The following USP43 variants were observed in gnomAD, a reference collection of about 807,000 sequenced individuals.
USP43 encodes the protein ubiquitin carboxyl-terminal hydrolase 43.
A neutral mutation model predicts 90.7 loss-of-function variants in USP43; 33 were observed. The observed-to-expected ratio is 0.36, with a 90% CI of 0.28 to 0.49. The LOEUF is 0.49. USP43 is among the 20% of genes least tolerant of loss of function. The pLI is 0.98. For synonymous variants in USP43, 598 were observed against 615.8 expected (o/e 0.97, Z 0.43); for missense variants, 1,274 against 1,476.4 (o/e 0.86, Z 2.25).
intron 14 of USP43, among the ~76,000 whole-genome samples, chr17:9,714,181 C>A (rs1210928145): frequency 1.3e-5 from 2 of 152,198 alleles, no homozygotes. Context: ...TGAAGCTTCG[C>A]TCATTTGCTC....
In USP43 at chr17:9,729,043, A is replaced by T; in HGVS notation, c.*53A>T. On this transcript the variant is annotated 3_prime_UTR_variant, in exon 15 of 15. Transcript: ENST00000285199. ...GGCATTCTTGGGACTTTGCCAAGCAACTGTAGGCAGCTCATGTTGAGAATG... is the reference window on the plus strand; with the variant it reads ...GGCATTCTTGGGACTTTGCCAAGCATCTGTAGGCAGCTCATGTTGAGAATG... 6.9e-7 allele frequency: 1 copy of T among 1,455,150 alleles called. No individual in the cohort carries two copies. The highest frequency in any genetic ancestry group is 1.5e-5 in the South Asian group (1 of 64,814). 90.1% of individuals were successfully genotyped at this position (1,455,150 alleles called of 1,614,324 possible). A position where few individuals can be genotyped will look rare whatever the true frequency, so the allele number is the denominator to read the frequency against.
chr17:9,664,751 C>G (rs1180690587), intron 2 of USP43, among the ~76,000 whole-genome samples: 1 of 151,746 alleles, frequency 6.6e-6, no homozygotes, highest in African/African-American at 2.4e-5. Flanking sequence ...CATTCTCCTG[C>G]CTCAGCCTCC....
intron 1 of USP43, among the ~76,000 whole-genome samples, chr17:9,652,150 C>G (rs1368143082): frequency 1.4e-5 from 2 of 145,690 alleles, no homozygotes; most frequent in Non-Finnish European, 3.0e-5. Flanking sequence ...TTTGAGAGGC[C>G]GAGATGGGAG....
At chr17:9,656,324 T>C in intron 1 of USP43, 79 bp from the exon 2 acceptor site, 1 of 1,528,970 alleles carries the variant, frequency 6.5e-7, no homozygotes. Flanking sequence ...GACCACTTGG[T>C]AGACCTGGTG....
chr17:9,689,749 T>C (rs1208232292), intron 8 of USP43, among the ~76,000 whole-genome samples: 1 of 151,580 alleles, frequency 6.6e-6, no homozygotes, highest in Non-Finnish European at 1.5e-5. Flanking sequence ...TAAACGGGGG[T>C]GTGTGAGGCC....
intron 2 of USP43, among the ~76,000 whole-genome samples, chr17:9,663,274 A>G (rs1912770986): frequency 6.6e-6 from 1 of 151,384 alleles, no homozygotes; most frequent in African/African-American, 2.4e-5. Flanking sequence ...CTTGTAGTCA[A>G]GTACCGGTGT....
At chr17:9,700,932 A>G (rs1474022232) in intron 10 of USP43, among the ~76,000 whole-genome samples, 187 bp from the exon 11 acceptor site, 1 of 152,096 alleles carries the variant, frequency 6.6e-6, no homozygotes, top group East Asian at 1.9e-4. Flanking sequence ...GGTGGGGGAG[A>G]GAGAATTCCA....
At chr17:9,661,383 G>A (rs1034558085) in intron 2 of USP43, among the ~76,000 whole-genome samples, 41 of 151,986 alleles carry the variant, frequency 2.7e-4, no homozygotes, top group South Asian at 1.9e-3. Context: ...TTGAGACAGG[G>A]CCTCACTCTG....
At chr17:9,654,614 A>G (rs1421438407) in intron 1 of USP43, among the ~76,000 whole-genome samples, 1 of 149,788 alleles carries the variant, frequency 6.7e-6, no homozygotes, top group Non-Finnish European at 1.5e-5. Context: ...ATGCCATTGC[A>G]CTCTAGCCTG....
intron 5 of USP43, among the ~76,000 whole-genome samples, chr17:9,678,543 T>G (rs1008844854): frequency 6.6e-6 from 1 of 152,084 alleles, no homozygotes; most frequent in Non-Finnish European, 1.5e-5. Context: ...GGTTTCACCA[T>G]GTTGGCCAGG....
chr17:9,649,370 T>C (rs1310183627), intron 1 of USP43, among the ~76,000 whole-genome samples: 1 of 152,152 alleles, frequency 6.6e-6, no homozygotes, highest in African/African-American at 2.4e-5. Context: ...CTTTCTTTTT[T>C]TTAAATTTTA....
At chr17:9,652,396 C>G (rs1447494599) in intron 1 of USP43, among the ~76,000 whole-genome samples, 1 of 149,852 alleles carries the variant, frequency 6.7e-6, no homozygotes, top group Admixed American at 6.7e-5. Context: ...GAGTCTCGCT[C>G]TGTTGCCCAG....
chr17:9,679,272 G>T (rs1004445785), intron 5 of USP43, among the ~76,000 whole-genome samples: 1 of 152,048 alleles, frequency 6.6e-6, no homozygotes, highest in Non-Finnish European at 1.5e-5. Flanking sequence ...TGTGATCATA[G>T]CTTGCTGCAG....
chr17:9,707,339 A>G (rs1252869193), intron 12 of USP43, among the ~76,000 whole-genome samples: 1 of 152,160 alleles, frequency 6.6e-6, no homozygotes, highest in East Asian at 1.9e-4. Flanking sequence ...CCAGAATAAC[A>G]TATTACTTAA....
intron 3 of USP43, among the ~76,000 whole-genome samples, chr17:9,667,320 G>A (rs1264401074): frequency 2.6e-5 from 4 of 151,998 alleles, no homozygotes; most frequent in African/African-American, 9.7e-5. Context: ...GGCTGTGATC[G>A]AGGCTGGCGT....
chr17:9,723,174 G>A (rs903920903), intron 14 of USP43, among the ~76,000 whole-genome samples: 9 of 152,180 alleles, frequency 5.9e-5, no homozygotes, highest in African/African-American at 2.2e-4. Flanking sequence ...CCCCAGGGTT[G>A]CAGGTGAGAA....
At chr17:9,667,203 A>G (rs1158361567) in intron 3 of USP43, among the ~76,000 whole-genome samples, 1 of 152,016 alleles carries the variant, frequency 6.6e-6, no homozygotes, top group Non-Finnish European at 1.5e-5. Flanking sequence ...TGTACCAAAA[A>G]AAACCACAAA....
At chr17:9,697,752 G>A (rs1392532668) in intron 9 of USP43, among the ~76,000 whole-genome samples, 1 of 151,702 alleles carries the variant, frequency 6.6e-6, no homozygotes, top group Non-Finnish European at 1.5e-5. Context: ...TGGATACCCG[G>A]GTTGACTCCA....
intron 1 of USP43, 107 bp from the exon 2 acceptor site, chr17:9,656,296 A>C (rs1411874027): frequency 5.1e-6 from 7 of 1,385,544 alleles, no homozygotes; most frequent in Non-Finnish European, 9.7e-7. Context: ...CTGTCATCCC[A>C]GGTCAGGGCT....
Sources: allele counts gnomAD v4.1 joint callset (sites outside exome capture counted in the v4.1 genomes callset), GRCh38; gene constraint gnomAD v4.1.1; transcripts MANE v1.5; gene names NCBI Gene and HGNC (gene_info 2026-07-23, HGNC 2026-07-21).